SMAD2: variants seen among roughly 807,000 people sequenced by gnomAD.
The protein encoded by SMAD2 is SMAD family member 2.
A neutral mutation model predicts 64.4 loss-of-function variants in SMAD2; 8 were observed. The observed-to-expected ratio is 0.12, with a 90% CI of 0.07 to 0.22. SMAD2 has a LOEUF of 0.22. Among genes scored for constraint, SMAD2 ranks in the 10% least tolerant of loss-of-function variants. The pLI, the probability that SMAD2 is intolerant of heterozygous loss-of-function variation, is 1.00. For missense variants in SMAD2, 289 were observed against 561.2 expected, an observed-to-expected ratio of 0.51 and a Z score of 4.90; for synonymous variants, 203 against 195.8, an observed-to-expected ratio of 1.04 and a Z score of -0.31.
chr18:47,896,871 C>T (rs555846656), intron 1 of SMAD2, 62 bp from the exon 2 acceptor site: 1 of 1,459,956 alleles, frequency 6.8e-7, no homozygotes, highest in African/African-American at 1.4e-5. Context: ...ATAATTTCAA[C>T]TTATCATAGA....
chr18:47,913,415 C>G (rs747621497), intron 1 of SMAD2, among the ~76,000 whole-genome samples: 8 of 152,278 alleles, frequency 5.3e-5, no homozygotes, highest in Admixed American at 1.3e-4. Context: ...CCATGTCTTA[C>G]AAGAGGAGTT....
chr18:47,887,983 CAG>C (rs1568085502), intron 2 of SMAD2, among the ~76,000 whole-genome samples: 1 of 152,176 alleles, frequency 6.6e-6, no homozygotes, highest in Non-Finnish European at 1.5e-5. Context: ...ATGCTTGACT[CAG>C]GGTGTCTTTT....
intron 2 of SMAD2, among the ~76,000 whole-genome samples, chr18:47,890,617 C>A (rs2033145033): frequency 6.6e-6 from 1 of 152,180 alleles, no homozygotes. Flanking sequence ...CCTTTCACAG[C>A]TGTGAACAGT....
chr18:47,861,968 G>T (rs547195753), intron 6 of SMAD2, among the ~76,000 whole-genome samples: 3 of 152,154 alleles, frequency 2.0e-5, no homozygotes, highest in Non-Finnish European at 4.4e-5. Flanking sequence ...GCTAGCATAT[G>T]TAAGAGGAAC....
At chr18:47,886,934 AAAAAG>A (rs1347590031) in intron 2 of SMAD2, 2 of 157,164 alleles carry the variant, frequency 1.3e-5, no homozygotes, top group Non-Finnish European at 2.8e-5. Context: ...AAAAAAAAAA[AAAAAG>A]AAAAGGCTTT....
chr18:47,874,049 A>T (rs2032109695), intron 2 of SMAD2, among the ~76,000 whole-genome samples: 1 of 152,210 alleles, frequency 6.6e-6, no homozygotes, highest in South Asian at 2.1e-4. Flanking sequence ...TTTAAAAGCT[A>T]AGTATATAGA....
At chr18:47,861,773 T>C (rs968476075) in intron 6 of SMAD2, among the ~76,000 whole-genome samples, 3 of 152,214 alleles carry the variant, frequency 2.0e-5, no homozygotes, top group Admixed American at 6.5e-5. Context: ...CTTCACATCT[T>C]TGTGCAATCC....
chr18:47,842,022 T>C (rs2144277694), intron 10 of SMAD2, 72 bp from the exon 11 acceptor site: 1 of 1,494,314 alleles, frequency 6.7e-7, no homozygotes. Flanking sequence ...TATGTTTAGG[T>C]ACACTGCATT....
At position 47,840,954 on chromosome 18, in the gene SMAD2, A is replaced by G. The variant is rs77036533; in HGVS notation, c.*873T>C. The G allele has an allele frequency of 0.015, 3,529 of 232,538 alleles. 132 individuals are homozygous for G. The highest frequency in any genetic ancestry group is 0.072 in the African/African-American group (3,292 of 45,414). 14.4% of individuals were successfully genotyped at this position (232,538 alleles called of 1,614,324 possible). A position where few individuals can be genotyped will look rare whatever the true frequency, so the allele number is the denominator to read the frequency against. ...TTATTCCTGTTGAAATTTGGGCATA[A>G]GACAAAGGGACTTTCTCCATATGAA... is the stretch of plus-strand genomic sequence containing the variant. On this transcript the variant is annotated 3_prime_UTR_variant, in exon 11 of 11. Transcript: ENST00000262160.
chr18:47,909,404 T>C (rs749494554), intron 1 of SMAD2, among the ~76,000 whole-genome samples: 7 of 152,148 alleles, frequency 4.6e-5, no homozygotes, highest in Non-Finnish European at 1.0e-4. Context: ...CCAAAGTAGA[T>C]GAGTTAGTTC....
intron 1 of SMAD2, among the ~76,000 whole-genome samples, chr18:47,929,384 A>G (rs561777428): frequency 1.3e-5 from 2 of 152,352 alleles, no homozygotes; most frequent in East Asian, 1.9e-4. Context: ...CAGAAGAGAG[A>G]AAAAGAATTT....
intron 1 of SMAD2, among the ~76,000 whole-genome samples, chr18:47,900,730 A>G (rs920349204): frequency 6.6e-6 from 1 of 152,130 alleles, no homozygotes; most frequent in African/African-American, 2.4e-5. Flanking sequence ...ACTTAAGGCT[A>G]TAAATTTCAT....
rs943364563 is a variant in SMAD2, at chr18:47,837,281, G to C, written c.*4546C>G. Reference sequence around the variant, plus strand: ...ATATATGCAGATAAAAATATGGCTAGGCTGGGCGCGGTGGCTCATGCCTGT... The same window carrying C: ...ATATATGCAGATAAAAATATGGCTACGCTGGGCGCGGTGGCTCATGCCTGT... On this transcript the variant is annotated 3_prime_UTR_variant, in exon 11 of 11. Coordinates refer to ENST00000262160, the MANE Select transcript of SMAD2 (RefSeq NM_005901.6). The C allele has an allele frequency of 1.0e-5, 2 of 194,548 alleles. No homozygotes were observed. The highest frequency in any genetic ancestry group is 3.9e-4 in the South Asian group (2 of 5,164). 12.1% of individuals were successfully genotyped at this position (194,548 alleles called of 1,614,324 possible).
chr18:47,864,446 C>G (rs143828822), intron 6 of SMAD2, among the ~76,000 whole-genome samples: 1 of 152,126 alleles, frequency 6.6e-6, no homozygotes, highest in Non-Finnish European at 1.5e-5. Flanking sequence ...AGTTAAGATA[C>G]AGACAGGTAA....
At chr18:47,886,155 A>G (rs2032889881) in intron 2 of SMAD2, among the ~76,000 whole-genome samples, 1 of 152,244 alleles carries the variant, frequency 6.6e-6, no homozygotes, top group Non-Finnish European at 1.5e-5. Context: ...ATGAAATTCA[A>G]CTTTTTAAGT....
rs1912698464 is a variant in SMAD2, at chr18:47,825,030, A to C, written c.*16797T>G. The stretch of plus-strand genomic sequence containing the variant: ...ACCAGTCGTTTTCTCTGGTTGTTGG[A>C]ATCTGGGTGATTTTTTAAAGTCCCA... On this transcript the variant is annotated 3_prime_UTR_variant, in exon 11 of 11. Transcript: ENST00000262160. 1 of 152,128 alleles carries C rather than the reference A, an allele frequency of 6.6e-6. No homozygotes were observed. The highest frequency in any genetic ancestry group is 1.5e-5 in the Non-Finnish European group (1 of 68,026). The allele number at this position is 152,128 out of a possible 1,614,324, so 9.4% of individuals were successfully genotyped here. A position where few individuals can be genotyped will look rare whatever the true frequency, so the allele number is the denominator to read the frequency against.
intron 1 of SMAD2, chr18:47,922,517 A>G (rs544531999): frequency 2.0e-5 from 3 of 152,242 alleles, no homozygotes; most frequent in Non-Finnish European, 4.4e-5. Flanking sequence ...AAAGAATAAC[A>G]ATAAAATGTG....
At chr18:47,876,962 T>C (rs2032299310) in intron 2 of SMAD2, among the ~76,000 whole-genome samples, 1 of 152,074 alleles carries the variant, frequency 6.6e-6, no homozygotes, top group Non-Finnish European at 1.5e-5. Context: ...GCAGTGAAAA[T>C]TAAGTTGAAG....
chr18:47,877,771 C>G (rs1598818936), intron 2 of SMAD2, among the ~76,000 whole-genome samples: 2 of 152,082 alleles, frequency 1.3e-5, no homozygotes, highest in Middle Eastern at 6.8e-3. Flanking sequence ...TAAGTTGCTG[C>G]ATTACAGATG....
Sources: gnomAD v4.1 joint callset for allele counts (sites outside exome capture counted in the v4.1 genomes callset) on GRCh38, gnomAD v4.1.1 for gene constraint, MANE v1.5 for transcripts, NCBI Gene and HGNC (gene_info 2026-07-23, HGNC 2026-07-21) for gene names.